Variants in NR6A1 observed in about 807,000 individuals in gnomAD.
NR6A1 encodes retinoic acid receptor-related testis-associated receptor.
Under a neutral mutation model 59.1 loss-of-function variants are expected in NR6A1, and 7 were observed. The observed-to-expected ratio is 0.12, with a 90% CI of 0.07 to 0.22. The LOEUF (loss-of-function observed/expected upper bound fraction) is 0.22, where lower values mean the gene tolerates loss of function less well. Among genes scored for constraint, NR6A1 ranks in the 10% least tolerant of loss-of-function variants. The pLI is 1.00. For missense variants in NR6A1, 468 were observed against 611.6 expected, an observed-to-expected ratio of 0.77 and a Z score of 2.48; for synonymous variants, 243 against 236.1, an observed-to-expected ratio of 1.03 and a Z score of -0.27.
intron 2 of NR6A1, among the ~76,000 whole-genome samples, chr9:124,604,151 C>G (rs1457079012): frequency 6.6e-6 from 1 of 152,180 alleles, no homozygotes; most frequent in Non-Finnish European, 1.5e-5. Context: ...GTCAACTACA[C>G]TCAGCAACTG....
At chr9:124,765,508 G>A (rs1218919727) in intron 1 of NR6A1, among the ~76,000 whole-genome samples, 1 of 152,118 alleles carries the variant, frequency 6.6e-6, no homozygotes, top group Non-Finnish European at 1.5e-5. Context: ...ATTCCAAAAT[G>A]CAAATGAAGT....
intron 2 of NR6A1, chr9:124,692,465 C>T (rs1838583743): frequency 1.9e-6 from 1 of 530,516 alleles, no homozygotes; most frequent in Admixed American, 1.9e-5. Context: ...GGCCAGCCTT[C>T]AGAGGACTCC....
intron 1 of NR6A1, among the ~76,000 whole-genome samples, chr9:124,748,000 A>G (rs1840383125): frequency 6.6e-6 from 1 of 152,228 alleles, no homozygotes; most frequent in African/African-American, 2.4e-5. Context: ...TTGAAAAGCT[A>G]CTTTTTGCAA....
chr9:124,595,563 C>T (rs1239683884), intron 2 of NR6A1, among the ~76,000 whole-genome samples: 1 of 152,198 alleles, frequency 6.6e-6, no homozygotes, highest in African/African-American at 2.4e-5. Flanking sequence ...TTCTCTCTCA[C>T]TTTTCTCCAT....
At chr9:124,563,995 T>C (rs1834159836) in intron 2 of NR6A1, among the ~76,000 whole-genome samples, 1 of 152,138 alleles carries the variant, frequency 6.6e-6, no homozygotes, top group Non-Finnish European at 1.5e-5. Flanking sequence ...GGAGAATCCC[T>C]TGAGCCCAGG....
rs1174489739 is a variant in NR6A1 at position 124,554,371 on chromosome 9, G to A, written c.342C>T (p.Tyr114=). The change falls in exon 3 of 10, where the codon TAC becomes TAT. Residue 114 remains tyrosine (Y), a synonymous_variant. Transcript: ENST00000487099. ...MSRKQRNRCQ[Y]CRLLKCLQMG... is the part of the protein sequence containing the mutation. ...TCTGGAGGCATTTGAGCAGGCGGCAGTACTGGCACCTGTTCCTCTGCTTCC... is the reference window on the plus strand; with the variant it reads ...TCTGGAGGCATTTGAGCAGGCGGCAATACTGGCACCTGTTCCTCTGCTTCC... 3.7e-6 allele frequency: 6 copies of A among 1,614,208 alleles called. No individual in the cohort carries two copies. Among genetic ancestry groups the A allele is most frequent in the Admixed American group, 1.7e-5 (1 of 60,026 alleles).
chr9:124,758,619 A>G (rs570774572), intron 1 of NR6A1, among the ~76,000 whole-genome samples: 1 of 152,330 alleles, frequency 6.6e-6, no homozygotes, highest in South Asian at 2.1e-4. Flanking sequence ...TTTACATTAC[A>G]AATTATCATA....
chr9:124,712,080 T>C (rs539658137), intron 2 of NR6A1, among the ~76,000 whole-genome samples: 41 of 152,284 alleles, frequency 2.7e-4, no homozygotes, highest in Non-Finnish European at 4.6e-4. Context: ...TAGGGCCTGT[T>C]GCCACCTAAT....
intron 2 of NR6A1, among the ~76,000 whole-genome samples, chr9:124,635,174 C>T (rs1836566218): frequency 6.6e-6 from 1 of 152,118 alleles, no homozygotes; most frequent in South Asian, 2.1e-4. Context: ...GTTCATCCCT[C>T]CCTCCCCATT....
intron 3 of NR6A1, among the ~76,000 whole-genome samples, chr9:124,546,167 A>G (rs569891196): frequency 1.6e-4 from 24 of 152,330 alleles, no homozygotes; most frequent in South Asian, 6.2e-4. Flanking sequence ...CAAAATACGT[A>G]TATGATAGAA....
chr9:124,688,629 C>T (rs1220284793), intron 2 of NR6A1, among the ~76,000 whole-genome samples: 1 of 152,144 alleles, frequency 6.6e-6, no homozygotes, highest in Admixed American at 6.6e-5. Context: ...AGTAGCCACT[C>T]GTAACAAGAT....
At chr9:124,526,067 C>A (rs1832925513) in intron 8 of NR6A1, among the ~76,000 whole-genome samples, 1 of 152,124 alleles carries the variant, frequency 6.6e-6, no homozygotes, top group African/African-American at 2.4e-5. Context: ...AAATGGGACA[C>A]AGGACGAGGG....
chr9:124,629,478 A>G (rs1173625933), intron 2 of NR6A1, among the ~76,000 whole-genome samples: 1 of 152,238 alleles, frequency 6.6e-6, no homozygotes, highest in Non-Finnish European at 1.5e-5. Flanking sequence ...ACTCTGTGAG[A>G]AAGTATCATC....
intron 2 of NR6A1, among the ~76,000 whole-genome samples, chr9:124,613,696 T>A (rs959925701): frequency 6.6e-5 from 10 of 151,876 alleles, no homozygotes; most frequent in Non-Finnish European, 1.2e-4. Context: ...AAATAAAAAT[T>A]AAAAGAAAAG....
chr9:124,759,631 A>C (rs1423046241), intron 1 of NR6A1, among the ~76,000 whole-genome samples: 2 of 152,368 alleles, frequency 1.3e-5, no homozygotes, highest in Admixed American at 6.5e-5. Flanking sequence ...TACAGATAAA[A>C]GACATTGTAC....
In NR6A1 at chr9:124,521,364, C is replaced by G. The variant is rs1331066049; in HGVS notation, c.*1341G>C. The G allele has an allele frequency of 2.0e-5, 3 of 152,548 alleles. No individual in the cohort carries two copies. In the East Asian group the frequency reaches 5.8e-4, roughly 29 times the overall value. The allele number at this position is 152,548 out of a possible 1,614,324, so 9.4% of individuals were successfully genotyped here. A position where few individuals can be genotyped will look rare whatever the true frequency, so the allele number is the denominator to read the frequency against. On this transcript the variant is annotated 3_prime_UTR_variant, in exon 10 of 10. Coordinates refer to ENST00000487099, the MANE Select transcript of NR6A1 (RefSeq NM_033334.4). The stretch of plus-strand genomic sequence containing the variant: ...TGAGGTAGTTTAAAGCCCCCCTTCC[C>G]TTCCAGGTGCTTCTGGCTCCAGCCC...
intron 2 of NR6A1, chr9:124,698,448 G>A (rs931791576): frequency 6.6e-6 from 1 of 152,126 alleles, no homozygotes; most frequent in Non-Finnish European, 1.5e-5. Flanking sequence ...TCGATCCGTG[G>A]GAGGTGGTCA....
intron 2 of NR6A1, among the ~76,000 whole-genome samples, chr9:124,719,965 G>A (rs550639827): frequency 6.6e-6 from 1 of 151,734 alleles, no homozygotes; most frequent in African/African-American, 2.4e-5. Context: ...GCCAAGAGAT[G>A]CCATATAAAA....
intron 2 of NR6A1, among the ~76,000 whole-genome samples, chr9:124,619,116 A>G (rs1346207680): frequency 6.6e-6 from 1 of 152,262 alleles, no homozygotes; most frequent in Non-Finnish European, 1.5e-5. Context: ...CACCAACAAA[A>G]GATGAATGAA....
Sources: gnomAD v4.1 joint callset for allele counts (sites outside exome capture counted in the v4.1 genomes callset) on GRCh38, gnomAD v4.1.1 for gene constraint, MANE v1.5 for transcripts, NCBI Gene and HGNC (gene_info 2026-07-23, HGNC 2026-07-21) for gene names.